AHCY: variants seen among roughly 807,000 people sequenced by gnomAD.
AHCY encodes the protein adenosylhomocysteinase, also known as S-adenosyl-L-homocysteine hydrolase.
A neutral mutation model predicts 45.4 loss-of-function variants in AHCY; 24 were observed. The ratio of observed to expected loss-of-function variants is 0.53; its 90% CI spans 0.38 to 0.74. The LOEUF (loss-of-function observed/expected upper bound fraction) is 0.74. Among genes scored for constraint, AHCY ranks in the 30% least tolerant of loss-of-function variants. The probability of loss-of-function intolerance (pLI) is 0.00; values close to 1 mark genes in which losing one functional copy is unlikely to be tolerated. For missense variants in AHCY, 449 were observed against 594.1 expected, an observed-to-expected ratio of 0.76 and a Z score of 2.54; for synonymous variants, 245 against 235.1, an observed-to-expected ratio of 1.04 and a Z score of -0.39.
At chr20:34,269,303 C>G in the AHCY span, 11 of 1,122,252 alleles carry the variant, frequency 9.8e-6, no homozygotes, top group Non-Finnish European at 1.3e-5. Flanking sequence ...TCAGGGAGAC[C>G]TGGCTTGGGC....
intron 1 of AHCY, among the ~76,000 whole-genome samples, chr20:34,308,630 T>C (rs1021475586): frequency 6.6e-6 from 1 of 152,006 alleles, no homozygotes; most frequent in African/African-American, 2.4e-5. Flanking sequence ...AGGAACCAAA[T>C]TTCTGAAGGG....
the AHCY span, among the ~76,000 whole-genome samples, chr20:34,233,510 T>C: frequency 1.3e-5 from 2 of 152,162 alleles, no homozygotes; most frequent in Non-Finnish European, 2.9e-5. Context: ...GACTACATAC[T>C]GTAGGATGGT....
At chr20:34,295,801 G>A (rs1318088450) in intron 1 of AHCY, among the ~76,000 whole-genome samples, 1 of 152,174 alleles carries the variant, frequency 6.6e-6, no homozygotes, top group African/African-American at 2.4e-5. Context: ...TGACTTGTGG[G>A]AGAACACATT....
chr20:34,305,715 A>G (rs144853039), upstream of AHCY, among the ~76,000 whole-genome samples: 6 of 152,346 alleles, frequency 3.9e-5, no homozygotes, highest in East Asian at 1.2e-3. Context: ...TCTGGTATGA[A>G]TGCTGGTCTT....
the AHCY span, among the ~76,000 whole-genome samples, chr20:34,260,809 A>G: frequency 6.6e-6 from 1 of 152,228 alleles, no homozygotes; most frequent in Non-Finnish European, 1.5e-5. Context: ...AGCATTTCTG[A>G]AACTTAATGA....
chr20:34,254,496 T>G, the AHCY span, among the ~76,000 whole-genome samples: 1 of 152,248 alleles, frequency 6.6e-6, no homozygotes, highest in Non-Finnish European at 1.5e-5. Context: ...TATAAGGTTT[T>G]GTTCCCCCTT....
chr20:34,262,863 A>C, the AHCY span: 6 of 1,614,126 alleles, frequency 3.7e-6, no homozygotes, highest in East Asian at 1.3e-4. Context: ...AGATCGGCAG[A>C]AAAGCAGCAG....
the AHCY span, among the ~76,000 whole-genome samples, chr20:34,274,147 C>T: frequency 1.3e-5 from 2 of 152,172 alleles, no homozygotes; most frequent in African/African-American, 4.8e-5. Context: ...AAATATTGGG[C>T]TGCTGCTCAC....
At chr20:34,246,634 T>A in the AHCY span, 2 of 594,310 alleles carry the variant, frequency 3.4e-6, no homozygotes, top group East Asian at 6.6e-5. Flanking sequence ...TTTTTTGTAT[T>A]TTTGGTAGAG....
chr20:34,262,744 T>G, the AHCY span: 2 of 1,479,666 alleles, frequency 1.4e-6, no homozygotes, highest in Non-Finnish European at 1.9e-6. Context: ...ACCTTGTGAC[T>G]TCCCAAGCCC....
the AHCY span, among the ~76,000 whole-genome samples, chr20:34,253,998 T>TACA: frequency 2.0e-5 from 3 of 152,184 alleles, no homozygotes; most frequent in African/African-American, 7.2e-5. Context: ...GAAAGACAGT[T>TACA]GAGAAACCCA....
chr20:34,299,411 C>T lies in AHCY; in HGVS notation c.29-3826G>A, dbSNP rs2036695232. ...TCTTTACTTGGCTTCTGTGACTGTC[C>T]TGTGCTTTTCCACCTACCTTCCTGG... On this transcript the variant is annotated intron_variant, in intron 1 of 9. Transcript: ENST00000217426. Among the ~76,000 whole-genome samples the T allele has an allele frequency of 2.0e-5, 3 of 152,202 alleles. No homozygotes were observed. The South Asian group carries it at 6.2e-4, about 32-fold the overall frequency.
chr20:34,294,114 C>A lies in AHCY; in HGVS notation c.262G>T (p.Ala88Ser), dbSNP rs1303693890. Residue 88 changes from alanine to serine, a missense_variant, in exon 3 of 10, where the codon GCG becomes TCG. By Grantham distance (99) the Ala-to-Ser change is moderately conservative. Transcript: ENST00000217426. Reference protein sequence around the residue: ...SCNIFSTQDHAAAAIAKAGIP... With the variant: ...SCNIFSTQDHSAAAIAKAGIP... The stretch of plus-strand genomic sequence containing the variant: ...CCAGCCTTGGCAATGGCAGCCGCCG[C>A]ATGGTCCTGGGTGGAGAAGATGTTG... The A allele has an allele frequency of 1.5e-5, 24 of 1,614,036 alleles. No homozygotes were observed. Among genetic ancestry groups the A allele is most frequent in the Non-Finnish European group, 2.0e-5 (24 of 1,180,052 alleles).
chr20:34,274,676 G>A, the AHCY span, among the ~76,000 whole-genome samples: 1 of 152,260 alleles, frequency 6.6e-6, no homozygotes, highest in South Asian at 2.1e-4. Flanking sequence ...CTGGGGTATG[G>A]TGGCTCACTC....
At chr20:34,274,452 C>T in the AHCY span, among the ~76,000 whole-genome samples, 2 of 152,282 alleles carry the variant, frequency 1.3e-5, no homozygotes, top group African/African-American at 4.8e-5. Context: ...AGAGCCAACA[C>T]CTTGCAAGAG....
At chr20:34,262,737 T>C in the AHCY span, 2 of 1,402,722 alleles carry the variant, frequency 1.4e-6, no homozygotes, top group Middle Eastern at 1.8e-4. Context: ...CTCCCTGACC[T>C]TGTGACTTCC....
Position 34,290,385 on chromosome 20 carries a change from C to T in AHCY, c.919G>A (p.Asp307Asn), listed in dbSNP as rs143586889. The T allele has an allele frequency of 1.2e-5, 20 of 1,613,964 alleles. No homozygotes were observed. The African/African-American group carries it at 1.7e-4, about 14-fold the overall frequency. ...GCGTTCTCGTTGAGCCACTTGACAT[C>T]GATCTCCACGTCAAAGTGTCCAATG... ...CNIGHFDVEI[D>N]VKWLNENAVE... Residue 307 changes from aspartate (D) to asparagine (N), a missense_variant, in exon 8 of 10, where the codon GAT (aspartate) becomes AAT (asparagine). Transcript: ENST00000217426. This position sits in a 1 kb window ranked among gnomAD's most constrained non-coding sequence, Gnocchi z 4.5.
chr20:34,237,543 GT>G, the AHCY span, among the ~76,000 whole-genome samples: 1 of 152,290 alleles, frequency 6.6e-6, no homozygotes, highest in African/African-American at 2.4e-5. Flanking sequence ...AGTTCTAACA[GT>G]GTTTTGTGGA....
chr20:34,258,696 C>CATAA, the AHCY span, among the ~76,000 whole-genome samples: 1 of 11,652 alleles, frequency 8.6e-5, no homozygotes. Context: ...TATATACATA[C>CATAA]TATATATATA....
Sources: gnomAD v4.1 joint callset for allele counts (sites outside exome capture counted in the v4.1 genomes callset) on GRCh38, gnomAD v4.1.1 for gene constraint, Gnocchi (gnomAD v3.1) non-coding constraint, MANE v1.5 for transcripts, NCBI Gene and HGNC (gene_info 2026-07-23, HGNC 2026-07-21) for gene names.